Variants in H3-7 observed in about 807,000 individuals in gnomAD.
H3-7 encodes histone H3-7.
chr1:143,905,785 A>G, the H3-7 span: 9 of 1,582,158 alleles, frequency 5.7e-6, 2 homozygotes. Flanking sequence ...GCGGATCAGC[A>G]GCTCCGTAGA....
chr1:143,904,136 T>A, the H3-7 span: 2 of 1,044,138 alleles, frequency 1.9e-6, no homozygotes, highest in South Asian at 3.0e-5. Context: ...CTGACAAGTG[T>A]TTACAGCTGC....
At chr1:143,905,561 C>T in the H3-7 span, 2 of 1,578,492 alleles carry the variant, frequency 1.3e-6, no homozygotes, top group African/African-American at 1.3e-5. Flanking sequence ...ATACCTTAGG[C>T]CCGCTCCCCG....
chr1:143,902,856 C>T, the H3-7 span, among the ~76,000 whole-genome samples: 1 of 146,172 alleles, frequency 6.8e-6, no homozygotes, highest in Non-Finnish European at 1.5e-5. Context: ...CCTCCAGTCT[C>T]GCTGAATCAG....
chr1:143,905,697 C>G, the H3-7 span: 2 of 1,582,802 alleles, frequency 1.3e-6, no homozygotes, highest in South Asian at 1.1e-5. Flanking sequence ...GCAGCGCCAT[C>G]ACGGCCGAGC....
the H3-7 span, chr1:143,905,799 C>G: frequency 1.0e-5 from 16 of 1,582,192 alleles, 3 homozygotes; most frequent in South Asian, 1.6e-4. Context: ...CCGTAGACTT[C>G]TGATAGCGCC....
chr1:143,905,298 A>G, the H3-7 span, among the ~76,000 whole-genome samples: 3 of 137,044 alleles, frequency 2.2e-5, no homozygotes, highest in East Asian at 6.5e-4. Flanking sequence ...CAGAATTGGG[A>G]GCCGGACCTC....
At chr1:143,902,517 C>A in the H3-7 span, among the ~76,000 whole-genome samples, 28 of 139,552 alleles carry the variant, frequency 2.0e-4, 4 homozygotes, top group Middle Eastern at 3.9e-3. Context: ...CAAAGGCTGT[C>A]AAGTTAATTA....
At chr1:143,905,640 G>A in the H3-7 span, 1 of 1,582,854 alleles carries the variant, frequency 6.3e-7, no homozygotes, top group Non-Finnish European at 8.7e-7. Flanking sequence ...TGGCGCACAG[G>A]TTCGTGTCTT....
the H3-7 span, chr1:143,905,355 A>G: frequency 8.5e-3 from 4,726 of 554,008 alleles, 459 homozygotes; most frequent in Non-Finnish European, 0.012. Context: ...CACAAGGACC[A>G]TGCCTCTGCG....
At chr1:143,903,191 CAAA>C in the H3-7 span, among the ~76,000 whole-genome samples, 10 of 60,398 alleles carry the variant, frequency 1.7e-4, no homozygotes, top group African/African-American at 3.2e-4. Context: ...GACTCCGTCT[CAAA>C]AAAAAAAAAA....
At chr1:143,905,390 A>C in the H3-7 span, 1 of 592,446 alleles carries the variant, frequency 1.7e-6, no homozygotes, top group East Asian at 3.0e-5. Context: ...CGGCCAACTC[A>C]CGGCTGGGCT....
chr1:143,905,261 T>C, the H3-7 span, among the ~76,000 whole-genome samples: 1 of 121,788 alleles, frequency 8.2e-6, no homozygotes, highest in African/African-American at 3.0e-5. Context: ...CCCCATAGTC[T>C]CTTGCCCCCA....
the H3-7 span, chr1:143,905,763 G>C: frequency 6.3e-7 from 1 of 1,582,028 alleles, no homozygotes; most frequent in Non-Finnish European, 8.7e-7. Flanking sequence ...CCAGCCGCTG[G>C]AAGGGCAGCT....
chr1:143,904,326 C>T, the H3-7 span: 7 of 1,582,392 alleles, frequency 4.4e-6, 1 homozygote, highest in Admixed American at 6.8e-5. Flanking sequence ...CTGGATCTCG[C>T]GGGACGTGAT....
At chr1:143,905,962 G>A in the H3-7 span, 5 of 1,579,294 alleles carry the variant, frequency 3.2e-6, no homozygotes, top group South Asian at 4.5e-5. Context: ...CTTAGTACGG[G>A]CCATGCTGTC....
the H3-7 span, chr1:143,905,736 C>T: frequency 3.2e-6 from 5 of 1,580,648 alleles, 1 homozygote; most frequent in East Asian, 1.1e-4. Flanking sequence ...TCTTAAACTC[C>T]TGCGCGATCT....
chr1:143,904,469 C>T, the H3-7 span: 2 of 1,596,656 alleles, frequency 1.3e-6, no homozygotes, highest in Admixed American at 1.7e-5. Flanking sequence ...CCTGCTTCAG[C>T]ACCTCCTACA....
the H3-7 span, chr1:143,905,955 A>G: frequency 4.9e-3 from 7,664 of 1,579,776 alleles, 945 homozygotes; most frequent in Non-Finnish European, 6.0e-3. Context: ...CAGTCTGCTT[A>G]GTACGGGCCA....
chr1:143,905,517 C>T, the H3-7 span: 2 of 1,439,434 alleles, frequency 1.4e-6, no homozygotes, highest in African/African-American at 2.8e-5. Flanking sequence ...GGCAGTGGCT[C>T]TGAAAAGAGC....
Sources: allele counts gnomAD v4.1 joint callset (sites outside exome capture counted in the v4.1 genomes callset), GRCh38; gene constraint gnomAD v4.1.1; transcripts MANE v1.5; gene names NCBI Gene and HGNC (gene_info 2026-07-23, HGNC 2026-07-21).